The following DGKB variants were observed in gnomAD, a reference collection of about 807,000 sequenced individuals.
DGKB encodes the protein diacylglycerol kinase beta, also known as 90 kDa diacylglycerol kinase.
A neutral mutation model predicts 114.3 loss-of-function variants in DGKB; 67 were observed. That is an observed-to-expected ratio of 0.59 (90% confidence interval 0.48 to 0.72). The LOEUF is 0.72. Among genes scored for constraint, DGKB ranks in the 30% least tolerant of loss-of-function variants. The pLI is 0.00. For synonymous variants in DGKB, 398 were observed against 323.1 expected, an observed-to-expected ratio of 1.23 and a Z score of -2.49; for missense variants, 907 against 975.2, an observed-to-expected ratio of 0.93 and a Z score of 0.93.
intron 20 of DGKB, among the ~76,000 whole-genome samples, chr7:14,548,489 T>C (rs1156909947): frequency 6.6e-6 from 1 of 152,104 alleles, no homozygotes; most frequent in Non-Finnish European, 1.5e-5. Flanking sequence ...AACTCCTGAA[T>C]GAGGAAAAGG....
chr7:14,308,519 T>A (rs1035908772), intron 23 of DGKB, among the ~76,000 whole-genome samples: 3 of 152,216 alleles, frequency 2.0e-5, no homozygotes, highest in African/African-American at 7.2e-5. Flanking sequence ...TTGCCAAATT[T>A]TATAATAGAG....
At chr7:14,906,747 G>A (rs139047902), upstream of DGKB, among the ~76,000 whole-genome samples, 115 of 152,144 alleles carry the variant, frequency 7.6e-4, no homozygotes, top group African/African-American at 2.6e-3. Flanking sequence ...CACAGTGCCC[G>A]GCCTCCAGAA....
intron 20 of DGKB, among the ~76,000 whole-genome samples, chr7:14,550,432 C>T (rs908675728): frequency 3.3e-5 from 5 of 152,072 alleles, no homozygotes; most frequent in African/African-American, 1.2e-4. Flanking sequence ...TGGTAATTTA[C>T]TCAACTAATC....
chr7:14,237,367 G>C (rs1193340680), intron 23 of DGKB, among the ~76,000 whole-genome samples: 1 of 150,850 alleles, frequency 6.6e-6, no homozygotes, highest in African/African-American at 2.4e-5. Context: ...TATTACTTTT[G>C]ACTTCCTTCT....
At position 14,769,107 on chromosome 7, in the gene DGKB, AAGAAAGAAAGAAAGAAAGAG is replaced by A. The variant is rs1357895731; in HGVS notation, c.71-11396_71-11377del. Among the ~76,000 whole-genome samples, 1,037 of 129,156 alleles carry A rather than the reference AAGAAAGAAAGAAAGAAAGAG, an allele frequency of 8.0e-3. 13 individuals are homozygous for A. Among genetic ancestry groups the A allele is most frequent in the African/African-American group, 0.03 (900 of 29,992 alleles). The allele number at this position is 129,156 out of a possible 152,430, so 84.7% of individuals were successfully genotyped here. ...AAAGAAAGAAAGAAAGAAAGAAAGA[AAGAAAGAAAGAAAGAAAGAG>A]AGAGAGAGAAAGAAAGAAAGAAAGA... On this transcript the variant is annotated intron_variant, in intron 2 of 25. Transcript: ENST00000402815.
intron 20 of DGKB, among the ~76,000 whole-genome samples, chr7:14,525,800 A>G (rs1305240756): frequency 1.3e-5 from 2 of 152,196 alleles, no homozygotes. Flanking sequence ...GTAACTAGAA[A>G]TTCAAAATAT....
chr7:14,432,167 T>A (rs978315442), intron 21 of DGKB, among the ~76,000 whole-genome samples: 5 of 152,192 alleles, frequency 3.3e-5, no homozygotes, highest in African/African-American at 1.2e-4. Context: ...AATTATTGGT[T>A]TCTCACTGCA....
At chr7:14,245,415 G>A (rs978464223) in intron 23 of DGKB, among the ~76,000 whole-genome samples, 3 of 152,036 alleles carry the variant, frequency 2.0e-5, no homozygotes, top group Non-Finnish European at 2.9e-5. Flanking sequence ...AAAACTAAAA[G>A]AATGGAGCTG....
chr7:14,452,113 G>A (rs1431519), intron 21 of DGKB, among the ~76,000 whole-genome samples: 26,508 of 151,880 alleles, frequency 0.17, 3,031 homozygotes, highest in East Asian at 0.32. Context: ...TATCACCATC[G>A]ATATGCTTGC....
intron 19 of DGKB, among the ~76,000 whole-genome samples, chr7:14,579,788 T>TAA (rs778991113): frequency 6.7e-6 from 1 of 148,476 alleles, no homozygotes; most frequent in Non-Finnish European, 1.5e-5. Context: ...GGAGTTTGTT[T>TAA]AAAAAAAAAA....
intron 21 of DGKB, among the ~76,000 whole-genome samples, chr7:14,368,881 T>G (rs1179718125): frequency 6.6e-6 from 1 of 152,034 alleles, no homozygotes; most frequent in East Asian, 1.9e-4. Flanking sequence ...CCGATTTCTG[T>G]GAAAGAGAAA....
In DGKB at chr7:14,145,907, T is replaced by C. The variant is rs1781430041; in HGVS notation, c.*3224A>G. The C allele has an allele frequency of 6.6e-6, 1 of 152,084 alleles. No individual in the cohort carries two copies. Among genetic ancestry groups the C allele is most frequent in the South Asian group, 2.1e-4 (1 of 4,830 alleles). The allele number at this position is 152,084 out of a possible 1,614,324, so 9.4% of individuals were successfully genotyped here. A position where few individuals can be genotyped will look rare whatever the true frequency, so the allele number is the denominator to read the frequency against. ...TCAAAACATATTCTTCCCTGAAAAATTGCAACTACTTCCCATATGCCTAAA... is the reference window on the plus strand; with the variant it reads ...TCAAAACATATTCTTCCCTGAAAAACTGCAACTACTTCCCATATGCCTAAA... On this transcript the variant is annotated 3_prime_UTR_variant, in exon 26 of 26. Transcript: ENST00000402815.
chr7:14,345,328 C>T lies in DGKB; in HGVS notation c.1899G>A (p.Lys633=), dbSNP rs544064582. Reference sequence around the variant, plus strand: ...CTATTTCTACAGATTCATGTAGCTTCTTGCAGGTGGCTGAGAAAGTTTCAG... The same window carrying T: ...CTATTTCTACAGATTCATGTAGCTTTTTGCAGGTGGCTGAGAAAGTTTCAG... ...GTSETFSATC[K]KLHESVEIEC... Residue 633 remains lysine, a synonymous_variant, in exon 22 of 26, where the codon AAG becomes AAA. Transcript: ENST00000402815. 2.7e-5 allele frequency: 42 copies of T among 1,544,034 alleles called. No homozygotes were observed. The South Asian group carries it at 4.8e-4, about 18-fold the overall frequency.
At chr7:14,653,438 A>T (rs1326584596) in intron 13 of DGKB, among the ~76,000 whole-genome samples, 5 of 150,718 alleles carry the variant, frequency 3.3e-5, no homozygotes, top group Non-Finnish European at 7.4e-5. Flanking sequence ...TCTCACTCAT[A>T]GGTGGGAATT....
intron 9 of DGKB, among the ~76,000 whole-genome samples, chr7:14,689,064 T>TATA (rs1487259522): frequency 6.6e-6 from 1 of 151,996 alleles, no homozygotes; most frequent in Non-Finnish European, 1.5e-5. Flanking sequence ...ACTTAACTTA[T>TATA]ATAGAGAGAG....
intron 1 of DGKB, among the ~76,000 whole-genome samples, chr7:14,846,550 A>G (rs944340842): frequency 6.6e-6 from 1 of 152,236 alleles, no homozygotes; most frequent in Non-Finnish European, 1.5e-5. Context: ...GCCTCTTCAT[A>G]AATGGGTAGA....
rs1413885392 is a variant in DGKB at position 14,178,062 on chromosome 7, G to C, written c.2212C>G (p.Arg738Gly). ...ACCACGCAGGAGCACTGAGCCAGCCGCCGGCCAGCACTTTTCAGGCCTGTG... is the reference window on the plus strand; with the variant it reads ...ACCACGCAGGAGCACTGAGCCAGCCCCCGGCCAGCACTTTTCAGGCCTGTG... Reference protein sequence around the residue: ...IYTGLKSAGRRLAQCSCVVIR... With the variant: ...IYTGLKSAGRGLAQCSCVVIR... Residue 738 changes from arginine (R) to glycine (G), a missense_variant, in exon 24 of 26, where the codon CGG becomes GGG. Coordinates refer to ENST00000402815, the MANE Select transcript of DGKB (RefSeq NM_001350709.2). 6.2e-7 allele frequency: 1 copy of C among 1,601,484 alleles called. No homozygotes were observed. The highest frequency in any genetic ancestry group is 8.5e-7 in the Non-Finnish European group (1 of 1,175,694).
At chr7:14,824,907 T>C (rs929541471) in intron 2 of DGKB, among the ~76,000 whole-genome samples, 6 of 150,470 alleles carry the variant, frequency 4.0e-5, no homozygotes, top group African/African-American at 1.5e-4. Context: ...GAAAAATAGC[T>C]GATTTGCTGG....
At chr7:14,786,452 T>C (rs1029048505) in intron 2 of DGKB, among the ~76,000 whole-genome samples, 5 of 151,904 alleles carry the variant, frequency 3.3e-5, no homozygotes, top group Admixed American at 6.6e-5. Context: ...CCATCTGGAG[T>C]GGCTGCTGCA....
Sources: gnomAD v4.1 joint callset for allele counts (sites outside exome capture counted in the v4.1 genomes callset) on GRCh38, gnomAD v4.1.1 for gene constraint, MANE v1.5 for transcripts, NCBI Gene and HGNC (gene_info 2026-07-23, HGNC 2026-07-21) for gene names.